Variants in LHFPL6 observed in about 807,000 individuals in gnomAD.
LHFPL6 encodes LHFPL tetraspan subfamily member 6 protein.
LHFPL6 carries 9 observed loss-of-function variants against 20.6 expected under a neutral mutation model. That is an observed-to-expected ratio of 0.44 (90% CI 0.26 to 0.76). LHFPL6 has a LOEUF of 0.76. LHFPL6 is among the 30% of genes least tolerant of loss of function. LHFPL6 has a pLI of 0.20. For synonymous variants in LHFPL6, 105 were observed against 98.7 expected (o/e 1.06, Z -0.38); for missense variants, 218 against 253.5 (o/e 0.86, Z 0.95).
chr13:39,435,718 CTGTCA>C (rs1871940622), intron 2 of LHFPL6, among the ~76,000 whole-genome samples: 2 of 152,070 alleles, frequency 1.3e-5, no homozygotes, highest in African/African-American at 4.8e-5. Context: ...AAACAATTAC[CTGTCA>C]AGTTTTGGTG....
intron 2 of LHFPL6, among the ~76,000 whole-genome samples, chr13:39,500,353 C>G (rs1869250863): frequency 1.3e-5 from 2 of 152,030 alleles, no homozygotes; most frequent in Admixed American, 6.6e-5. Context: ...TAGGTGCATG[C>G]CATCATGCCT....
chr13:39,592,922 AC>A (rs1872655828), intron 2 of LHFPL6, among the ~76,000 whole-genome samples: 1 of 152,300 alleles, frequency 6.6e-6, no homozygotes, highest in Non-Finnish European at 1.5e-5. Flanking sequence ...AAATTCAACA[AC>A]CCTTCATGCT....
intron 2 of LHFPL6, among the ~76,000 whole-genome samples, chr13:39,427,846 C>T (rs866235321): frequency 4.6e-5 from 7 of 152,274 alleles, no homozygotes; most frequent in Middle Eastern, 3.4e-3. Flanking sequence ...GGGGTGGGTC[C>T]TTCATGAATG....
intron 2 of LHFPL6, among the ~76,000 whole-genome samples, chr13:39,411,668 G>A (rs150930136): frequency 2.0e-5 from 3 of 152,266 alleles, no homozygotes; most frequent in African/African-American, 7.2e-5. Context: ...TGATTACTGG[G>A]GCCTGATTGC....
At position 39,587,231 on chromosome 13, in the gene LHFPL6, C is replaced by T. The variant is rs536955046; in HGVS notation, c.385+13601G>A. Reference sequence around the variant, plus strand: ...AACCTGACTCCATCTGTCCTCTCCACGTTAGTCCCTATCACATCACTCTCA... The same window carrying T: ...AACCTGACTCCATCTGTCCTCTCCATGTTAGTCCCTATCACATCACTCTCA... On this transcript the variant is annotated intron_variant, in intron 2 of 3. Coordinates refer to ENST00000379589, the MANE Select transcript of LHFPL6 (RefSeq NM_005780.3). Among the ~76,000 whole-genome samples, 68 of 152,238 alleles carry T rather than the reference C, an allele frequency of 4.5e-4. 2 individuals are homozygous for T. The South Asian group carries it at 0.013, about 30-fold the overall frequency.
chr13:39,393,821 T>C (rs1870771514), intron 2 of LHFPL6, among the ~76,000 whole-genome samples: 1 of 152,168 alleles, frequency 6.6e-6, no homozygotes, highest in Non-Finnish European at 1.5e-5. Context: ...TGTGGGCAGT[T>C]TGGTTTCTTG....
At chr13:39,395,403 G>C (rs1461429332) in intron 2 of LHFPL6, among the ~76,000 whole-genome samples, 1 of 152,162 alleles carries the variant, frequency 6.6e-6, no homozygotes, top group Non-Finnish European at 1.5e-5. Context: ...TTATCGTTAG[G>C]ACTTTTCCCC....
chr13:39,424,223 T>C (rs1029857178), intron 2 of LHFPL6, among the ~76,000 whole-genome samples: 6 of 152,176 alleles, frequency 3.9e-5, no homozygotes, highest in African/African-American at 1.4e-4. Flanking sequence ...GGTTTTAAAA[T>C]AATTTGACCT....
At chr13:39,582,934 T>C (rs574971707) in intron 2 of LHFPL6, among the ~76,000 whole-genome samples, 17 of 152,228 alleles carry the variant, frequency 1.1e-4, no homozygotes, top group African/African-American at 2.9e-4. Flanking sequence ...AAAGTATATA[T>C]ACAACAGCTT....
chr13:39,569,152 C>CGAT (rs1871826731), intron 2 of LHFPL6, among the ~76,000 whole-genome samples: 1 of 33,218 alleles, frequency 3.0e-5, no homozygotes, highest in African/African-American at 1.0e-4. Context: ...GATGGATGGA[C>CGAT]GGACGGATGG....
chr13:39,436,539 G>C (rs1871962557), intron 2 of LHFPL6, among the ~76,000 whole-genome samples: 1 of 152,076 alleles, frequency 6.6e-6, no homozygotes, highest in Non-Finnish European at 1.5e-5. Context: ...CAATTCTTGA[G>C]ATACATATTT....
At chr13:39,579,874 C>T (rs939125746) in intron 2 of LHFPL6, among the ~76,000 whole-genome samples, 2 of 152,152 alleles carry the variant, frequency 1.3e-5, no homozygotes, top group African/African-American at 2.4e-5. Flanking sequence ...AGTCTACTGA[C>T]CAAAGCAATG....
chr13:39,493,039 C>T (rs1593334635), intron 2 of LHFPL6, among the ~76,000 whole-genome samples: 2 of 152,062 alleles, frequency 1.3e-5, no homozygotes, highest in African/African-American at 4.8e-5. Flanking sequence ...TGAATATGCC[C>T]TAATTTCTAT....
Position 39,603,133 on chromosome 13 carries a change from CGGAGCGCTGTGGGCGCGCGCGGGCGCCGG to C in LHFPL6, c.-454_-426del, listed in dbSNP as rs1873025880. On this transcript the variant is annotated 5_prime_UTR_variant, in exon 1 of 4. Coordinates refer to ENST00000379589, the MANE Select transcript of LHFPL6 (RefSeq NM_005780.3). ...GGCGAGTCCGCGGCGGCAGCTCTGGCGGAGCGCTGTGGGCGCGCGCGGGCGCCGGGGATCGCACGCAGAGGAGCGGATCT... is the reference window on the plus strand; with the variant it reads ...GGCGAGTCCGCGGCGGCAGCTCTGGCGGATCGCACGCAGAGGAGCGGATCT... 6.6e-6 allele frequency: 1 copy of C among 152,354 alleles called. No homozygotes were observed. Among genetic ancestry groups the C allele is most frequent in the Non-Finnish European group, 1.5e-5 (1 of 68,170 alleles). The allele number at this position is 152,354 out of a possible 1,614,324, so 9.4% of individuals were successfully genotyped here. A position where few individuals can be genotyped will look rare whatever the true frequency, so the allele number is the denominator to read the frequency against.
At chr13:39,496,875 C>T (rs1260224768) in intron 2 of LHFPL6, among the ~76,000 whole-genome samples, 3 of 152,150 alleles carry the variant, frequency 2.0e-5, no homozygotes, top group African/African-American at 7.2e-5. Flanking sequence ...AGGGGTATAG[C>T]TCAGTCACTA....
At chr13:39,413,767 C>CA (rs1871289992) in intron 2 of LHFPL6, among the ~76,000 whole-genome samples, 2 of 152,128 alleles carry the variant, frequency 1.3e-5, no homozygotes, top group African/African-American at 4.8e-5. Flanking sequence ...ACCATGTAAA[C>CA]TTTACAAACA....
intron 2 of LHFPL6, among the ~76,000 whole-genome samples, chr13:39,497,427 C>A (rs564792786): frequency 2.6e-5 from 4 of 152,122 alleles, no homozygotes; most frequent in African/African-American, 9.7e-5. Context: ...TAGGGACTAC[C>A]GAATTCCCAG....
At chr13:39,440,992 C>G (rs150421421) in intron 2 of LHFPL6, among the ~76,000 whole-genome samples, 10 of 152,186 alleles carry the variant, frequency 6.6e-5, no homozygotes, top group East Asian at 3.9e-4. Context: ...GCCTCCCCCC[C>G]AGCCATGCGA....
chr13:39,436,409 C>A (rs969406172), intron 2 of LHFPL6, among the ~76,000 whole-genome samples: 1 of 152,154 alleles, frequency 6.6e-6, no homozygotes, highest in African/African-American at 2.4e-5. Context: ...AGTTAACAAA[C>A]AAATGAATAA....
Sources: gnomAD v4.1 joint callset for allele counts (sites outside exome capture counted in the v4.1 genomes callset) on GRCh38, gnomAD v4.1.1 for gene constraint, MANE v1.5 for transcripts, NCBI Gene and HGNC (gene_info 2026-07-23, HGNC 2026-07-21) for gene names.